The following STK32B variants were observed in gnomAD, a reference collection of about 807,000 sequenced individuals.
STK32B encodes the protein serine/threonine-protein kinase 32B.
STK32B carries 43 observed loss-of-function variants against 52.6 expected under a neutral mutation model. The observed-to-expected ratio is 0.82, with a 90% CI of 0.64 to 1.05. The LOEUF (loss-of-function observed/expected upper bound fraction) is 1.05, where lower values mean the gene tolerates loss of function less well. Among genes scored for constraint, STK32B ranks in the 50% least tolerant of loss-of-function variants. STK32B has a pLI of 0.00. For missense variants in STK32B, 621 were observed against 534.6 expected (o/e 1.16, Z -1.59); for synonymous variants, 238 against 204.3 (o/e 1.17, Z -1.41).
At position 5,058,675 on chromosome 4, in the gene STK32B, G is replaced by A. The variant is rs1026838801; in HGVS notation, c.52+6760G>A. Among the ~76,000 whole-genome samples the A allele has an allele frequency of 6.6e-6, 1 of 152,116 alleles. No homozygotes were observed. The highest frequency in any genetic ancestry group is 2.4e-5 in the African/African-American group (1 of 41,422). On this transcript the variant is annotated intron_variant, in intron 1 of 11. Coordinates refer to ENST00000282908, the MANE Select transcript of STK32B (RefSeq NM_018401.3). This position sits in a 1 kb window ranked among gnomAD's most constrained non-coding sequence, Gnocchi z 4.8. ...CCTCCCCGGCTCAAGCAATCCTCCT[G>A]TGTCAGCCTACAAAGTAGACCATAG...
rs1468383942 is a variant in STK32B, at chr4:5,440,076, T to G, written c.563-6597T>G. Reference sequence around the variant, plus strand: ...TTGTTCTTTTGGCTTAGGATTGACTTGGCGATGCGGGCTCTTTTTTGGTTC... The same window carrying G: ...TTGTTCTTTTGGCTTAGGATTGACTGGGCGATGCGGGCTCTTTTTTGGTTC... On this transcript the variant is annotated intron_variant, in intron 6 of 11. Transcript: ENST00000282908. Among the ~76,000 whole-genome samples, 15 of 152,030 alleles carry G rather than the reference T, an allele frequency of 9.9e-5. No individual in the cohort carries two copies. The East Asian group carries it at 2.9e-3, about 29-fold the overall frequency.
At chr4:5,149,911 T>C (rs1373506116) in intron 2 of STK32B, among the ~76,000 whole-genome samples, 1 of 151,998 alleles carries the variant, frequency 6.6e-6, no homozygotes, top group Non-Finnish European at 1.5e-5. Context: ...GCATGTCTCC[T>C]CTTAATTTAT....
intron 5 of STK32B, among the ~76,000 whole-genome samples, chr4:5,406,562 C>G (rs1471742596): frequency 6.6e-6 from 1 of 152,174 alleles, no homozygotes; most frequent in African/African-American, 2.4e-5. Context: ...TCTCTGAAAT[C>G]TAGGTGGAGG....
Position 5,396,571 on chromosome 4 carries a change from C to G in STK32B, c.435-1636C>G, listed in dbSNP as rs1438415866. On this transcript the variant is annotated intron_variant, in intron 4 of 11. Coordinates refer to ENST00000282908, the MANE Select transcript of STK32B (RefSeq NM_018401.3). This position sits in a 1 kb window ranked among gnomAD's most constrained non-coding sequence, Gnocchi z 4.7. ...CACCCCACCCTCACCTCACCTGTGT[C>G]CTGACTCTAACTCTATCTTTAGGCT... Among the ~76,000 whole-genome samples, 2 of 152,180 alleles carry G rather than the reference C, an allele frequency of 1.3e-5. No homozygotes were observed. The highest frequency in any genetic ancestry group is 2.9e-5 in the Non-Finnish European group (2 of 68,040).
At chr4:5,253,836 T>A (rs73211129) in intron 3 of STK32B, among the ~76,000 whole-genome samples, 1 of 152,220 alleles carries the variant, frequency 6.6e-6, no homozygotes, top group Non-Finnish European at 1.5e-5. Context: ...GGATGGATAA[T>A]GGTATCTACT....
intron 4 of STK32B, among the ~76,000 whole-genome samples, chr4:5,382,454 C>T (rs1386731724): frequency 2.0e-5 from 3 of 152,068 alleles, no homozygotes; most frequent in Non-Finnish European, 4.4e-5. Flanking sequence ...CTGCATTCCT[C>T]CAAGGGCAAT....
At chr4:5,491,348 A>G (rs944503221) in intron 11 of STK32B, among the ~76,000 whole-genome samples, 10 of 152,116 alleles carry the variant, frequency 6.6e-5, no homozygotes, top group Non-Finnish European at 1.2e-4. Context: ...GCATTTTTTC[A>G]TGTGTTTTTT....
At chr4:5,309,012 A>G (rs1373655389) in intron 3 of STK32B, among the ~76,000 whole-genome samples, 2 of 152,218 alleles carry the variant, frequency 1.3e-5, no homozygotes, top group South Asian at 4.1e-4. Flanking sequence ...TAAAAGCTCC[A>G]CAAAAAAACT....
chr4:5,480,081 G>C (rs1293889337), intron 11 of STK32B, among the ~76,000 whole-genome samples: 1 of 152,038 alleles, frequency 6.6e-6, no homozygotes, highest in Admixed American at 6.6e-5. Flanking sequence ...TAACAGCCTC[G>C]GTGACAGTCA....
At chr4:5,281,311 G>T (rs1728183397) in intron 3 of STK32B, among the ~76,000 whole-genome samples, 2 of 152,218 alleles carry the variant, frequency 1.3e-5, no homozygotes, top group Admixed American at 1.3e-4. Flanking sequence ...ATAATAACAT[G>T]ATGTCCATTC....
chr4:5,118,057 T>C (rs1714831974), intron 1 of STK32B, among the ~76,000 whole-genome samples: 1 of 152,204 alleles, frequency 6.6e-6, no homozygotes, highest in Non-Finnish European at 1.5e-5. Context: ...ATCAGGGTAA[T>C]GCTGGACTTG....
intron 3 of STK32B, among the ~76,000 whole-genome samples, chr4:5,306,152 G>T (rs1729913509): frequency 6.6e-6 from 1 of 152,114 alleles, no homozygotes; most frequent in African/African-American, 2.4e-5. Flanking sequence ...AATGTTCCAT[G>T]TGCTGATGAA....
intron 9 of STK32B, among the ~76,000 whole-genome samples, chr4:5,463,483 C>A (rs1717190626): frequency 6.6e-6 from 1 of 150,400 alleles, no homozygotes; most frequent in Non-Finnish European, 1.5e-5. Flanking sequence ...CACACTCAGT[C>A]ACACTCACAC....
intron 4 of STK32B, among the ~76,000 whole-genome samples, chr4:5,369,785 A>G (rs963334190): frequency 2.0e-5 from 3 of 152,172 alleles, no homozygotes; most frequent in African/African-American, 7.2e-5. Flanking sequence ...CAACATGAGG[A>G]TTTCAATCAT....
At chr4:5,461,872 A>G (rs1285401964) in intron 9 of STK32B, among the ~76,000 whole-genome samples, 1 of 152,156 alleles carries the variant, frequency 6.6e-6, no homozygotes, top group African/African-American at 2.4e-5. Context: ...CCTTGACCCC[A>G]GAGTGGACAT....
At chr4:5,474,248 G>T (rs1327561281) in intron 11 of STK32B, among the ~76,000 whole-genome samples, 1 of 152,202 alleles carries the variant, frequency 6.6e-6, no homozygotes, top group African/African-American at 2.4e-5. Flanking sequence ...GTGAGCCAGC[G>T]CCAATGAGGC....
chr4:5,176,005 C>T (rs966089920), intron 3 of STK32B, among the ~76,000 whole-genome samples: 4 of 152,234 alleles, frequency 2.6e-5, no homozygotes, highest in Admixed American at 1.3e-4. Context: ...CAATGGTGGG[C>T]GCCCCTCCCC....
intron 3 of STK32B, among the ~76,000 whole-genome samples, chr4:5,312,658 T>C (rs1730384863): frequency 6.6e-6 from 1 of 152,076 alleles, no homozygotes; most frequent in Admixed American, 6.5e-5. Flanking sequence ...GGTGTATATG[T>C]GCCACATTTT....
chr4:5,143,229 G>A (rs1190220106), intron 2 of STK32B, among the ~76,000 whole-genome samples: 1 of 152,178 alleles, frequency 6.6e-6, no homozygotes, highest in African/African-American at 2.4e-5. Flanking sequence ...AGCATGTGCA[G>A]GCTCCAGCCC....
Sources: allele counts gnomAD v4.1 joint callset (sites outside exome capture counted in the v4.1 genomes callset), GRCh38; gene constraint gnomAD v4.1.1; non-coding constraint Gnocchi (gnomAD v3.1); transcripts MANE v1.5; gene names NCBI Gene and HGNC (gene_info 2026-07-23, HGNC 2026-07-21).